The following MEGF10 variants were observed in gnomAD, a reference collection of about 807,000 sequenced individuals.
MEGF10 encodes the protein multiple EGF like domains 10, also known as multiple epidermal growth factor-like domains protein 10.
MEGF10 carries 86 observed loss-of-function variants against 147.5 expected under a neutral mutation model. That is an observed-to-expected ratio of 0.58 (90% CI 0.49 to 0.70). The LOEUF (loss-of-function observed/expected upper bound fraction) is 0.70, where lower values mean the gene tolerates loss of function less well. Ranked by LOEUF, MEGF10 falls within the 30% of genes least tolerant of loss-of-function variation. MEGF10 has a pLI of 0.00. For missense variants in MEGF10, 1,329 were observed against 1,487.3 expected (o/e 0.89, Z 1.75); for synonymous variants, 478 against 525.5 (o/e 0.91, Z 1.24).
chr5:127,421,816 A>G lies in MEGF10; in HGVS notation c.1591-854A>G, dbSNP rs1221254885. ...CAATGAACTTAATTCAATTAAAACT[A>G]TAATTTTTAAGATTAGTTTATAATT... On this transcript the variant is annotated intron_variant, in intron 12 of 24. Coordinates refer to ENST00000503335, the MANE Select transcript of MEGF10 (RefSeq NM_001256545.2). 4.0e-5 allele frequency among the ~76,000 whole-genome samples: 6 copies of G among 151,448 alleles called. No homozygotes were observed. In the East Asian group the frequency reaches 1.2e-3, roughly 29 times the overall value.
At chr5:127,306,460 C>G (rs937201728) in intron 1 of MEGF10, among the ~76,000 whole-genome samples, 1 of 152,168 alleles carries the variant, frequency 6.6e-6, no homozygotes, top group Non-Finnish European at 1.5e-5. Flanking sequence ...GGATTTGGAT[C>G]CAGCATAAGT....
intron 10 of MEGF10, 53 bp downstream of exon 10, chr5:127,417,865 C>G: frequency 6.4e-7 from 1 of 1,554,788 alleles, no homozygotes; most frequent in Non-Finnish European, 8.7e-7. Context: ...TGTGAAGCAT[C>G]TCAATACCAT....
chr5:127,360,916 C>T (rs1452998236), intron 4 of MEGF10, among the ~76,000 whole-genome samples: 2 of 151,140 alleles, frequency 1.3e-5, no homozygotes, highest in South Asian at 4.2e-4. Flanking sequence ...AAGTTTAATC[C>T]TTTTACATAT....
chr5:127,448,790 CTTTTTTT>C (rs199921206), intron 21 of MEGF10, among the ~76,000 whole-genome samples: 1 of 131,200 alleles, frequency 7.6e-6, no homozygotes, highest in African/African-American at 2.8e-5. Flanking sequence ...ACCAAGAGTT[CTTTTTTT>C]TTTTTTTTTT....
chr5:127,410,073 T>C (rs1764496110), intron 8 of MEGF10, among the ~76,000 whole-genome samples: 1 of 152,276 alleles, frequency 6.6e-6, no homozygotes, highest in Non-Finnish European at 1.5e-5. Flanking sequence ...TCTACTAAAG[T>C]GCTATGTAAC....
chr5:127,404,547 A>G (rs1764254500), intron 8 of MEGF10, among the ~76,000 whole-genome samples: 2 of 152,052 alleles, frequency 1.3e-5, no homozygotes, highest in African/African-American at 4.8e-5. Context: ...TTTTAACATG[A>G]TGTGTGCATC....
At chr5:127,264,728 T>C in the MEGF10 span, among the ~76,000 whole-genome samples, 8 of 152,116 alleles carry the variant, frequency 5.3e-5, no homozygotes, top group African/African-American at 1.9e-4. Flanking sequence ...CCTAAATACA[T>C]GATAAAAACA....
the MEGF10 span, among the ~76,000 whole-genome samples, chr5:127,247,340 A>G: frequency 4.5e-3 from 11 of 2,458 alleles, no homozygotes; most frequent in Non-Finnish European, 7.8e-3. Flanking sequence ...AAGAAGAAGA[A>G]GAAGAAGAAG....
At chr5:127,440,339 A>G (rs998180076) in intron 17 of MEGF10, among the ~76,000 whole-genome samples, 1 of 152,234 alleles carries the variant, frequency 6.6e-6, no homozygotes, top group Non-Finnish European at 1.5e-5. Flanking sequence ...AAAAGCATAC[A>G]GGTAATTTTA....
At chr5:127,430,227 A>T (rs569101365) in intron 13 of MEGF10, among the ~76,000 whole-genome samples, 1 of 152,260 alleles carries the variant, frequency 6.6e-6, no homozygotes, top group East Asian at 1.9e-4. Flanking sequence ...AGCTGGCCAG[A>T]TCCCTTGAAT....
At chr5:127,280,613 A>G in the MEGF10 span, among the ~76,000 whole-genome samples, 1 of 152,154 alleles carries the variant, frequency 6.6e-6, no homozygotes, top group Non-Finnish European at 1.5e-5. Context: ...TAGCAGGGCT[A>G]CTACATACAC....
the MEGF10 span, among the ~76,000 whole-genome samples, chr5:127,264,605 T>A: frequency 6.6e-6 from 1 of 152,134 alleles, no homozygotes; most frequent in African/African-American, 2.4e-5. Flanking sequence ...GCACTCTCCA[T>A]CAGGCAGGTT....
chr5:127,328,219 C>T (rs951431544), intron 1 of MEGF10, among the ~76,000 whole-genome samples: 4 of 152,182 alleles, frequency 2.6e-5, no homozygotes, highest in Admixed American at 1.3e-4. Context: ...TTTTAACCAG[C>T]TTATGTGAAT....
chr5:127,413,580 G>T (rs1305009032), intron 9 of MEGF10, among the ~76,000 whole-genome samples: 2 of 152,128 alleles, frequency 1.3e-5, no homozygotes, highest in Non-Finnish European at 2.9e-5. Flanking sequence ...TTTATAAAAT[G>T]ACAACTATTC....
chr5:127,377,940 G>A (rs1763097687), intron 5 of MEGF10, among the ~76,000 whole-genome samples: 1 of 152,188 alleles, frequency 6.6e-6, no homozygotes, highest in African/African-American at 2.4e-5. Flanking sequence ...TGATAACTGG[G>A]AAGGATTGGG....
the MEGF10 span, among the ~76,000 whole-genome samples, chr5:127,265,708 T>G: frequency 6.6e-6 from 1 of 152,232 alleles, no homozygotes; most frequent in East Asian, 1.9e-4. Flanking sequence ...GTTGGCTGCA[T>G]AAATGTCTTC....
In MEGF10 at chr5:127,393,376, G is replaced by C. The variant is rs113953000; in HGVS notation, c.413-3156G>C. On this transcript the variant is annotated intron_variant, in intron 5 of 24. Coordinates refer to ENST00000503335, the MANE Select transcript of MEGF10 (RefSeq NM_001256545.2). ...GTACCCTTGTAGTTATCAGGGATGA[G>C]AGCTGGCTTATATGCTGTAGACTGT... 3.2e-3 allele frequency among the ~76,000 whole-genome samples: 495 copies of C among 152,346 alleles called. 1 individual carries two copies. Among genetic ancestry groups the C allele is most frequent in the African/African-American group, 0.011 (460 of 41,580 alleles).
At chr5:127,422,592 C>T (rs1765054842) in intron 12 of MEGF10, 78 bp from the exon 13 acceptor site, 11 of 1,066,538 alleles carry the variant, frequency 1.0e-5, no homozygotes, top group Middle Eastern at 2.0e-4. Flanking sequence ...TGTGAAATGG[C>T]TGACAGTGGC....
At chr5:127,273,201 T>A in the MEGF10 span, among the ~76,000 whole-genome samples, 7 of 152,266 alleles carry the variant, frequency 4.6e-5, no homozygotes, top group South Asian at 1.5e-3. Context: ...CACAAGGGGA[T>A]CTCCTAATCT....
Sources: gnomAD v4.1 joint callset for allele counts (sites outside exome capture counted in the v4.1 genomes callset) on GRCh38, gnomAD v4.1.1 for gene constraint, MANE v1.5 for transcripts, NCBI Gene and HGNC (gene_info 2026-07-23, HGNC 2026-07-21) for gene names.